XKR7: variants seen among roughly 807,000 people sequenced by gnomAD.
XKR7 encodes the protein XK related 7.
XKR7 carries 11 observed loss-of-function variants against 42.2 expected under a neutral mutation model. The ratio of observed to expected loss-of-function variants is 0.26; its 90% CI spans 0.16 to 0.43. The LOEUF (loss-of-function observed/expected upper bound fraction) is 0.43. XKR7 is among the 20% of genes least tolerant of loss of function. The pLI is 1.00. For synonymous variants in XKR7, 346 were observed against 366.4 expected (o/e 0.94, Z 0.64); for missense variants, 710 against 802.2 (o/e 0.89, Z 1.39).
intron 1 of XKR7, among the ~76,000 whole-genome samples, chr20:31,973,258 G>A (rs1179389747): frequency 1.3e-5 from 2 of 152,166 alleles, no homozygotes; most frequent in Non-Finnish European, 2.9e-5. Context: ...GTCCCTTGAA[G>A]CCATAATGAC....
intron 1 of XKR7, among the ~76,000 whole-genome samples, chr20:31,976,887 C>CT (rs1244185961): frequency 6.6e-6 from 1 of 152,152 alleles, no homozygotes; most frequent in East Asian, 1.9e-4. Flanking sequence ...GGCTTTGTTG[C>CT]TTTTTCTTTC....
At position 31,995,357 on chromosome 20, in the gene XKR7, GC is replaced by G. The variant is rs2064586805; in HGVS notation, c.787+88del. On this transcript the variant is annotated intron_variant, in intron 2 of 2. Transcript: ENST00000562532. This position sits in a 1 kb window ranked among gnomAD's most constrained non-coding sequence, Gnocchi z 4.1. ...CAGGCTCCCTGGGGATGCCCTGTGG[GC>G]TTCCCCACCCCAGCTCAGGGCTCAC... The G allele has an allele frequency of 1.1e-5, 17 of 1,520,188 alleles. No individual in the cohort carries two copies. The highest frequency in any genetic ancestry group is 1.5e-5 in the Non-Finnish European group (17 of 1,142,088). The allele number at this position is 1,520,188 out of a possible 1,614,324, so 94.2% of individuals were successfully genotyped here.
In XKR7 at chr20:31,968,382, C is replaced by T. The variant is rs2064445620; in HGVS notation, c.207C>T (p.Ser69=). 2 of 1,612,994 alleles carry T rather than the reference C, an allele frequency of 1.2e-6. No homozygotes were observed. The highest frequency in any genetic ancestry group is 2.2e-5 in the East Asian group (1 of 44,840). Residue 69 remains serine (S), a synonymous_variant, in exon 1 of 3, where the codon TCC becomes TCT. Coordinates refer to ENST00000562532, the MANE Select transcript of XKR7 (RefSeq NM_001011718.2). The surrounding 1 kb of genome is among the most constrained non-coding windows in gnomAD (Gnocchi z 4.5). ...TGTGCGCGCTGCTCGTGTTCTTCTC[C>T]GACGGTGCCACGGACCTGTGGCTGG... ...WVLCALLVFF[S]DGATDLWLAA...
intron 1 of XKR7, among the ~76,000 whole-genome samples, chr20:31,980,156 T>C (rs1028815658): frequency 8.2e-6 from 1 of 122,404 alleles, no homozygotes; most frequent in Non-Finnish European, 1.7e-5. Flanking sequence ...AAAAAAGAGG[T>C]GCTGTGACTC....
At chr20:31,987,149 C>T (rs1366644707) in intron 1 of XKR7, among the ~76,000 whole-genome samples, 2 of 150,522 alleles carry the variant, frequency 1.3e-5, no homozygotes, top group African/African-American at 4.9e-5. Flanking sequence ...CCAAACAGAC[C>T]CAGCATCCAA....
Position 31,995,350 on chromosome 20 carries a change from C to T in XKR7, c.787+80C>T. Reference sequence around the variant, plus strand: ...CCTGCTTCAGGCTCCCTGGGGATGCCCTGTGGGCTTCCCCACCCCAGCTCA... The same window carrying T: ...CCTGCTTCAGGCTCCCTGGGGATGCTCTGTGGGCTTCCCCACCCCAGCTCA... On this transcript the variant is annotated intron_variant, in intron 2 of 2. Coordinates refer to ENST00000562532, the MANE Select transcript of XKR7 (RefSeq NM_001011718.2). The surrounding 1 kb of genome is among the most constrained non-coding windows in gnomAD (Gnocchi z 4.1). The T allele has an allele frequency of 6.6e-7, 1 of 1,522,922 alleles. No individual in the cohort carries two copies. The highest frequency in any genetic ancestry group is 2.5e-5 in the East Asian group (1 of 40,598). The allele number at this position is 1,522,922 out of a possible 1,614,324, so 94.3% of individuals were successfully genotyped here.
At chr20:31,975,450 C>G (rs1364094837) in intron 1 of XKR7, among the ~76,000 whole-genome samples, 2 of 152,122 alleles carry the variant, frequency 1.3e-5, no homozygotes, top group African/African-American at 4.8e-5. Context: ...CAGTCTCCTC[C>G]CAGTGAAATT....
rs755817742 is a variant in XKR7 at position 31,997,257 on chromosome 20, C to T, written c.1540C>T (p.Arg514Cys). Residue 514 changes from arginine (R) to cysteine (C), a missense_variant, in exon 3 of 3, where the codon CGC (arginine) becomes TGC (cysteine). Arg to Cys is a radical substitution (Grantham distance 180). Transcript: ENST00000562532. The part of the protein sequence containing the change: ...RPGLPPTPVA[R>C]TLRTEGPVIR... Reference sequence around the variant, plus strand: ...TGGCTTGCCTCCCACACCAGTGGCCCGCACCTTGCGGACAGAGGGGCCTGT... The same window carrying T: ...TGGCTTGCCTCCCACACCAGTGGCCTGCACCTTGCGGACAGAGGGGCCTGT... The T allele has an allele frequency of 1.4e-5, 22 of 1,612,042 alleles. No individual in the cohort carries two copies. The highest frequency in any genetic ancestry group is 1.3e-4 in the South Asian group (12 of 91,070).
chr20:31,996,468 T>G, intron 2 of XKR7, 37 bp from the exon 3 acceptor site: 1 of 23,066 alleles, frequency 4.3e-5, no homozygotes, highest in Non-Finnish European at 7.4e-5. Context: ...AGCCCGCCCC[T>G]AACCCAGCCC....
In XKR7 at chr20:31,999,390, C is replaced by G. The variant is rs1600665232; in HGVS notation, c.*1933C>G. On this transcript the variant is annotated 3_prime_UTR_variant, in exon 3 of 3. Transcript: ENST00000562532. ...CAAGCACAACCATGATACGGGTCAC[C>G]CTCCCCACCAGCACACAGGCCGAGA... The G allele has an allele frequency of 5.3e-5, 8 of 152,316 alleles. 1 individual carries two copies. In the South Asian group the frequency reaches 1.7e-3, roughly 32 times the overall value. The allele number at this position is 152,316 out of a possible 1,614,324, so 9.4% of individuals were successfully genotyped here.
At chr20:31,974,047 G>A (rs964972195) in intron 1 of XKR7, among the ~76,000 whole-genome samples, 38 of 152,250 alleles carry the variant, frequency 2.5e-4, no homozygotes, top group Admixed American at 1.6e-3. Flanking sequence ...ACAAAAATTA[G>A]CTGGGCATGG....
intron 1 of XKR7, among the ~76,000 whole-genome samples, chr20:31,991,725 C>G (rs568063289): frequency 1.4e-4 from 22 of 152,310 alleles, no homozygotes; most frequent in African/African-American, 5.3e-4. Flanking sequence ...CCTAAAATGC[C>G]AAATTCTTTC....
At chr20:31,987,551 CACAG>C (rs1424905082) in intron 1 of XKR7, among the ~76,000 whole-genome samples, 7 of 151,488 alleles carry the variant, frequency 4.6e-5, no homozygotes, top group South Asian at 4.2e-4. Context: ...GCATCCAAGA[CACAG>C]ACAGACAGAC....
chr20:31,968,229 G>A lies in XKR7; in HGVS notation c.54G>A (p.Gly18=). The change falls in exon 1 of 3, where the codon GGG becomes GGA. Residue 18 remains glycine (G), a synonymous_variant. Transcript: ENST00000562532. This position sits in a 1 kb window ranked among gnomAD's most constrained non-coding sequence, Gnocchi z 4.5. ...CCTCGGCCAGCCCGGACCCGGAGGG[G>A]GCTGCCGGTGGAGCCCGGGGCAGTG... ...AAASASPDPE[G]AAGGARGSAG... 8.7e-7 allele frequency: 1 copy of A among 1,153,912 alleles called. No homozygotes were observed. Among genetic ancestry groups the A allele is most frequent in the Non-Finnish European group, 1.1e-6 (1 of 937,852 alleles). The allele number at this position is 1,153,912 out of a possible 1,614,324, so 71.5% of individuals were successfully genotyped here.
At position 31,971,711 on chromosome 20, in the gene XKR7, T is replaced by C. The variant is rs533513721; in HGVS notation, c.584+2952T>C. 2.6e-5 allele frequency among the ~76,000 whole-genome samples: 4 copies of C among 152,334 alleles called. No individual in the cohort carries two copies. In the South Asian group the frequency reaches 8.3e-4, roughly 32 times the overall value. ...TCCTCAATTCTGAATAAAATAATTA[T>C]AATCATGAAGATATTTTTCAACCTC... On this transcript the variant is annotated intron_variant, in intron 1 of 2. Transcript: ENST00000562532.
intron 1 of XKR7, among the ~76,000 whole-genome samples, chr20:31,981,793 C>T (rs1268847528): frequency 6.6e-6 from 1 of 152,204 alleles, no homozygotes; most frequent in Non-Finnish European, 1.5e-5. Context: ...TCCCTTTCTT[C>T]TCCCTCCTTC....
In XKR7 at chr20:31,997,362, C is replaced by G. The variant is rs1348566481; in HGVS notation, c.1645C>G (p.Leu549Val). ...TGACCGCCGGCTCCGGAAGACCATC[C>G]TGGCACTGGAGTACTCCTCACCTGC... ...FIDRRLRKTI[L>V]ALEYSSPATP... Residue 549 changes from leucine (L) to valine (V), a missense_variant, in exon 3 of 3, where the codon CTG becomes GTG. Leu to Val is a conservative substitution (Grantham distance 32). This residue lies in a region of XKR7 where 708 missense variants were observed against 786.2 expected (regional missense o/e 0.90). Coordinates refer to ENST00000562532, the MANE Select transcript of XKR7 (RefSeq NM_001011718.2). 4.4e-6 allele frequency: 7 copies of G among 1,603,552 alleles called. No individual in the cohort carries two copies. In the Admixed American group the frequency reaches 1.2e-4, roughly 27 times the overall value.
chr20:31,994,066 T>C (rs1455112266), intron 1 of XKR7, among the ~76,000 whole-genome samples: 1 of 152,092 alleles, frequency 6.6e-6, no homozygotes, highest in Non-Finnish European at 1.5e-5. Flanking sequence ...GAAGCAGCAG[T>C]TTCAGATGCC....
At position 32,002,176 on chromosome 20, in the gene XKR7, C is replaced by G. The variant is rs927455166; in HGVS notation, c.*4719C>G. On this transcript the variant is annotated 3_prime_UTR_variant, in exon 3 of 3. Coordinates refer to ENST00000562532, the MANE Select transcript of XKR7 (RefSeq NM_001011718.2). ...CTGGTTTCTGGAGACAGAAAACTCC[C>G]CAGGGGACAGAGAGGTTACCCCCTT... is the stretch of plus-strand genomic sequence containing the variant. The G allele has an allele frequency of 2.0e-5, 3 of 152,108 alleles. No homozygotes were observed. The highest frequency in any genetic ancestry group is 4.4e-5 in the Non-Finnish European group (3 of 68,020). 9.4% of individuals were successfully genotyped at this position (152,108 alleles called of 1,614,324 possible).
Sources: allele counts gnomAD v4.1 joint callset (sites outside exome capture counted in the v4.1 genomes callset), GRCh38; gene constraint gnomAD v4.1.1; regional missense constraint gnomAD v4.1.1; non-coding constraint Gnocchi (gnomAD v3.1); transcripts MANE v1.5; gene names NCBI Gene and HGNC (gene_info 2026-07-23, HGNC 2026-07-21).